MED28: variants seen among roughly 807,000 people sequenced by gnomAD.
MED28 encodes mediator of RNA polymerase II transcription subunit 28.
MED28 carries 26 observed loss-of-function variants against 21.3 expected under a neutral mutation model. The ratio of observed to expected loss-of-function variants is 1.22; its 90% CI spans 0.89 to 1.69. MED28 has a LOEUF of 1.69. Among genes scored for constraint, MED28 ranks in the 40% most tolerant of loss-of-function variants. The probability of loss-of-function intolerance (pLI) is 0.00; values close to 1 mark genes in which losing one functional copy is unlikely to be tolerated. For missense variants in MED28, 257 were observed against 215.4 expected, an observed-to-expected ratio of 1.19 and a Z score of -1.21; for synonymous variants, 110 against 87.6, an observed-to-expected ratio of 1.26 and a Z score of -1.43.
chr4:17,625,687 G>GGGTTTCTT lies in MED28; in HGVS notation c.*1889_*1890insGGTTTCTT. ...TACTGGGTGATGAATAATCCTCTAAGAAACCCTCTGAGCTGCTAACTTTTT... is the reference window on the plus strand; with the variant it reads ...TACTGGGTGATGAATAATCCTCTAAGGGTTTCTTAAACCCTCTGAGCTGCTAACTTTTT... On this transcript the variant is annotated 3_prime_UTR_variant, in exon 4 of 4. Transcript: ENST00000237380. The GGGTTTCTT allele has an allele frequency of 2.2e-6, 1 of 448,150 alleles. No homozygotes were observed. Among genetic ancestry groups the GGGTTTCTT allele is most frequent in the Non-Finnish European group, 4.4e-6 (1 of 224,910 alleles). The allele number at this position is 448,150 out of a possible 1,614,324, so 27.8% of individuals were successfully genotyped here.
At chr4:17,622,231 C>G (rs1228512261) in intron 3 of MED28, among the ~76,000 whole-genome samples, 1 of 152,162 alleles carries the variant, frequency 6.6e-6, no homozygotes, top group Non-Finnish European at 1.5e-5. Context: ...TGGGCCAGGA[C>G]CTGCCCCATG....
intron 3 of MED28, among the ~76,000 whole-genome samples, chr4:17,623,146 A>G (rs1462309763): frequency 6.7e-6 from 1 of 149,578 alleles, no homozygotes; most frequent in African/African-American, 2.6e-5. Context: ...CACGCCTGTA[A>G]TCCTAGCACT....
chr4:17,625,534 A>C lies in MED28; in HGVS notation c.*1736A>C. ...GAGGTTCTTGAGAAGATTGAGAACT[A>C]TCCTATTTGGTGCTTAGTGAAAAGA... is the stretch of plus-strand genomic sequence containing the variant. On this transcript the variant is annotated 3_prime_UTR_variant, in exon 4 of 4. Coordinates refer to ENST00000237380, the MANE Select transcript of MED28 (RefSeq NM_025205.5). 1 of 342,076 alleles carries C rather than the reference A, an allele frequency of 2.9e-6. No homozygotes were observed. Among genetic ancestry groups the C allele is most frequent in the South Asian group, 2.3e-5 (1 of 44,196 alleles). The allele number at this position is 342,076 out of a possible 1,614,324, so 21.2% of individuals were successfully genotyped here.
intron 3 of MED28, among the ~76,000 whole-genome samples, chr4:17,622,321 G>T (rs999363987): frequency 6.6e-6 from 1 of 152,180 alleles, no homozygotes; most frequent in Non-Finnish European, 1.5e-5. Flanking sequence ...GAGATTATTG[G>T]TTGGGGGCAA....
In MED28 at chr4:17,614,687, G is replaced by C. The variant is rs772641923; in HGVS notation, c.33G>C (p.Gly11=). 4 of 1,613,658 alleles carry C rather than the reference G, an allele frequency of 2.5e-6. No homozygotes were observed. The highest frequency in any genetic ancestry group is 3.3e-5 in the Admixed American group (2 of 59,838). Residue 11 remains glycine (G), a synonymous_variant, in exon 1 of 4, where the codon GGG becomes GGC. Transcript: ENST00000237380. Reference sequence around the variant, plus strand: ...CTCCACTAGGGGGTATGTTTTCTGGGCAGCCACCCGGTCCCCCTCAGGCCC... The same window carrying C: ...CTCCACTAGGGGGTATGTTTTCTGGCCAGCCACCCGGTCCCCCTCAGGCCC... MAAPLGGMFS[G]QPPGPPQAPP... is the part of the protein sequence containing the mutation.
Position 17,619,919 on chromosome 4 carries a change from G to A in MED28, c.178G>A (p.Val60Met). 8 of 1,614,062 alleles carry A rather than the reference G, an allele frequency of 5.0e-6. No homozygotes were observed. The highest frequency in any genetic ancestry group is 6.8e-6 in the Non-Finnish European group (8 of 1,179,998). Residue 60 changes from valine to methionine, a missense_variant, in exon 2 of 4, where the codon GTG (valine) becomes ATG (methionine). Transcript: ENST00000237380. ...TACACAGGCTTGCTTTGCATCTCTGGTGAGTCAGGACTATGTCAATGGCAC... is the reference window on the plus strand; with the variant it reads ...TACACAGGCTTGCTTTGCATCTCTGATGAGTCAGGACTATGTCAATGGCAC... ...SSFEACFASLVSQDYVNGTDQ... is the reference protein window; with the variant it reads ...SSFEACFASLMSQDYVNGTDQ...
chr4:17,631,429 T>TGTTGGGATTA lies in MED28; in HGVS notation c.*7632_*7641dup. The TGTTGGGATTA allele has an allele frequency of 6.6e-6, 1 of 152,290 alleles. No homozygotes were observed. Among genetic ancestry groups the TGTTGGGATTA allele is most frequent in the East Asian group, 1.9e-4 (1 of 5,170 alleles). The allele number at this position is 152,290 out of a possible 1,614,324, so 9.4% of individuals were successfully genotyped here. A position where few individuals can be genotyped will look rare whatever the true frequency, so the allele number is the denominator to read the frequency against. The stretch of plus-strand genomic sequence containing the variant: ...CTCCTCCCATCTCAGCCTCCCAAAG[T>TGTTGGGATTA]GTTGGGATTACAGGCATGAGCCATG... On this transcript the variant is annotated 3_prime_UTR_variant, in exon 4 of 4. Transcript: ENST00000237380.
chr4:17,617,090 G>A (rs1006722), intron 1 of MED28, among the ~76,000 whole-genome samples: 81,799 of 152,102 alleles, frequency 0.54, 24,174 homozygotes, highest in East Asian at 0.88. Flanking sequence ...ATCAAAGAAG[G>A]CTTCCCAGAG....
intron 2 of MED28, among the ~76,000 whole-genome samples, chr4:17,620,682 T>C (rs575322693): frequency 1.5e-4 from 21 of 142,070 alleles, no homozygotes; most frequent in African/African-American, 5.2e-4. Flanking sequence ...GCTGGATCTC[T>C]GCATTGTCTC....
chr4:17,620,434 G>C (rs1714589605), intron 2 of MED28, among the ~76,000 whole-genome samples: 1 of 150,020 alleles, frequency 6.7e-6, no homozygotes, highest in African/African-American at 2.5e-5. Flanking sequence ...CATGGGTTCA[G>C]GCAGTTCTCT....
chr4:17,616,815 TCAGA>T (rs1351180651), intron 1 of MED28, among the ~76,000 whole-genome samples: 1 of 152,232 alleles, frequency 6.6e-6, no homozygotes, highest in Admixed American at 6.5e-5. Context: ...TGAATATTTG[TCAGA>T]CATTGAAGGA....
intron 1 of MED28, among the ~76,000 whole-genome samples, chr4:17,618,913 G>A (rs182750259): frequency 4.6e-5 from 7 of 152,332 alleles, no homozygotes; most frequent in South Asian, 2.1e-4. Flanking sequence ...TAAATCAAGC[G>A]CGGGAGCTGC....
rs1183500884 is a variant in MED28 at position 17,626,530 on chromosome 4, G to T, written c.*2732G>T. Reference sequence around the variant, plus strand: ...TCTTAAGAAGCCAAGGTTGTCTTGGGTGTGGTAGCTCTTTGAAAGGTAGAA... The same window carrying T: ...TCTTAAGAAGCCAAGGTTGTCTTGGTTGTGGTAGCTCTTTGAAAGGTAGAA... On this transcript the variant is annotated 3_prime_UTR_variant, in exon 4 of 4. Transcript: ENST00000237380. The T allele has an allele frequency of 6.6e-6, 1 of 152,180 alleles. No individual in the cohort carries two copies. Among genetic ancestry groups the T allele is most frequent in the Non-Finnish European group, 1.5e-5 (1 of 68,050 alleles). The allele number at this position is 152,180 out of a possible 1,614,324, so 9.4% of individuals were successfully genotyped here. A position where few individuals can be genotyped will look rare whatever the true frequency, so the allele number is the denominator to read the frequency against.
At chr4:17,622,288 C>A (rs1165478052) in intron 3 of MED28, among the ~76,000 whole-genome samples, 1 of 152,130 alleles carries the variant, frequency 6.6e-6, no homozygotes, top group Non-Finnish European at 1.5e-5. Flanking sequence ...GCCGGCAATG[C>A]CCTCAGTGAG....
chr4:17,614,932 G>T, intron 1 of MED28, 119 bp downstream of exon 1: 1 of 1,254,574 alleles, frequency 8.0e-7, no homozygotes, highest in Non-Finnish European at 1.1e-6. Flanking sequence ...GGGAAACTGA[G>T]GCTTAAAGTA....
Position 17,628,445 on chromosome 4 carries a change from C to T in MED28, c.*4647C>T, listed in dbSNP as rs1311036350. The stretch of plus-strand genomic sequence containing the variant: ...CTCAGTGCCCCCATTCTGACAGCAT[C>T]CAATCGAGTGAATCCTCACTTCCTT... On this transcript the variant is annotated 3_prime_UTR_variant, in exon 4 of 4. Coordinates refer to ENST00000237380, the MANE Select transcript of MED28 (RefSeq NM_025205.5). 2 of 152,072 alleles carry T rather than the reference C, an allele frequency of 1.3e-5. No homozygotes were observed. The highest frequency in any genetic ancestry group is 2.9e-5 in the Non-Finnish European group (2 of 68,032). The allele number at this position is 152,072 out of a possible 1,614,324, so 9.4% of individuals were successfully genotyped here. A position where few individuals can be genotyped will look rare whatever the true frequency, so the allele number is the denominator to read the frequency against.
At chr4:17,614,836 T>A (rs769573744) in intron 1 of MED28, 23 bp downstream of exon 1, 3 of 1,580,764 alleles carry the variant, frequency 1.9e-6, no homozygotes, top group Non-Finnish European at 2.6e-6. Context: ...ATGGGCGTCT[T>A]TGTCCCTAGC....
At position 17,625,781 on chromosome 4, in the gene MED28, C is replaced by T. The variant is rs926032980; in HGVS notation, c.*1983C>T. 3 of 403,356 alleles carry T rather than the reference C, an allele frequency of 7.4e-6. No homozygotes were observed. The highest frequency in any genetic ancestry group is 6.2e-5 in the African/African-American group (3 of 48,148). The allele number at this position is 403,356 out of a possible 1,614,324, so 25.0% of individuals were successfully genotyped here. The stretch of plus-strand genomic sequence containing the variant: ...CCTGTGGAATGCCCTCTGCCAAGCA[C>T]TGCTCTGGTACTGGGGAGTGGAGTA... On this transcript the variant is annotated 3_prime_UTR_variant, in exon 4 of 4. Transcript: ENST00000237380.
intron 2 of MED28, 87 bp downstream of exon 2, chr4:17,620,054 G>T (rs1480168498): frequency 8.4e-7 from 1 of 1,190,698 alleles, no homozygotes; most frequent in Admixed American, 1.7e-5. Context: ...TTTCAGTCCT[G>T]CTTTTATCCT....
Sources: gnomAD v4.1 joint callset for allele counts (sites outside exome capture counted in the v4.1 genomes callset) on GRCh38, gnomAD v4.1.1 for gene constraint, MANE v1.5 for transcripts, NCBI Gene and HGNC (gene_info 2026-07-23, HGNC 2026-07-21) for gene names.